The following LRP1B variants were observed in gnomAD, a reference collection of about 807,000 sequenced individuals.
LRP1B encodes the protein low-density lipoprotein receptor-related protein 1B.
Under a neutral mutation model 556.6 loss-of-function variants are expected in LRP1B, and 217 were observed. That is an observed-to-expected ratio of 0.39 (90% confidence interval 0.35 to 0.44). The LOEUF is 0.44. Among genes scored for constraint, LRP1B ranks in the 20% least tolerant of loss-of-function variants. The probability of loss-of-function intolerance (pLI) is 1.00; values close to 1 mark genes in which losing one functional copy is unlikely to be tolerated. For missense variants in LRP1B, 5,053 were observed against 5,620.8 expected, an observed-to-expected ratio of 0.90 and a Z score of 3.23; for synonymous variants, 2,047 against 1,865.8, an observed-to-expected ratio of 1.10 and a Z score of -2.50.
chr2:140,759,814 A>T (rs990758263), intron 35 of LRP1B, among the ~76,000 whole-genome samples: 1 of 152,208 alleles, frequency 6.6e-6, no homozygotes, highest in African/African-American at 2.4e-5. Context: ...ATATACACGA[A>T]GGTGTGTATG....
chr2:141,641,322 C>T (rs1464233021), intron 2 of LRP1B, among the ~76,000 whole-genome samples: 1 of 151,902 alleles, frequency 6.6e-6, no homozygotes, highest in East Asian at 1.9e-4. Flanking sequence ...GGCATTAGAC[C>T]ATATTATATG....
At chr2:141,220,039 A>G (rs1354486964) in intron 6 of LRP1B, among the ~76,000 whole-genome samples, 1 of 152,154 alleles carries the variant, frequency 6.6e-6, no homozygotes, top group Non-Finnish European at 1.5e-5. Flanking sequence ...AATGATCACA[A>G]CACCTCTCCA....
chr2:140,242,043 A>G lies in LRP1B; in HGVS notation c.13325-2511T>C, dbSNP rs552837155. Among the ~76,000 whole-genome samples the G allele has an allele frequency of 6.6e-5, 10 of 151,140 alleles. No homozygotes were observed. The East Asian group carries it at 1.8e-3, about 27-fold the overall frequency. On this transcript the variant is annotated intron_variant, in intron 87 of 90. Transcript: ENST00000389484. ...CATTTTTCCATTAGAAGAAAGAACT[A>G]TAAGTGCTGTGTTGAAGAGCCCCTT...
intron 11 of LRP1B, among the ~76,000 whole-genome samples, chr2:141,042,545 T>A (rs1310635608): frequency 1.3e-5 from 2 of 152,096 alleles, no homozygotes; most frequent in Non-Finnish European, 1.5e-5. Context: ...CATAATAAAA[T>A]CTCAGTGCTT....
chr2:140,530,196 A>C (rs1690627149), intron 47 of LRP1B, among the ~76,000 whole-genome samples: 2 of 152,098 alleles, frequency 1.3e-5, no homozygotes, highest in African/African-American at 4.8e-5. Context: ...ACTGACTTCC[A>C]ATTGTATCAC....
intron 6 of LRP1B, among the ~76,000 whole-genome samples, chr2:141,220,653 ACAG>A (rs1682998712): frequency 2.0e-5 from 3 of 151,440 alleles, no homozygotes; most frequent in Admixed American, 1.3e-4. Context: ...AATGTTAACG[ACAG>A]ACAGAGAGAA....
chr2:141,110,539 G>A (rs6750303), intron 7 of LRP1B, among the ~76,000 whole-genome samples: 45,948 of 151,930 alleles, frequency 0.3, 7,379 homozygotes, highest in East Asian at 0.64. Flanking sequence ...AGGGAAAAGC[G>A]AAGGTGGAGA....
At chr2:140,308,320 AGTTAT>A (rs1172956188) in intron 83 of LRP1B, among the ~76,000 whole-genome samples, 3 of 146,126 alleles carry the variant, frequency 2.1e-5, no homozygotes, top group Admixed American at 1.4e-4. Context: ...AATATTGGAC[AGTTAT>A]GTTATGATTT....
intron 31 of LRP1B, among the ~76,000 whole-genome samples, chr2:140,835,410 A>G (rs781672869): frequency 4.6e-5 from 7 of 152,222 alleles, no homozygotes; most frequent in Non-Finnish European, 8.8e-5. Context: ...ACCTGCATAA[A>G]GACAACCTTC....
intron 1 of LRP1B, among the ~76,000 whole-genome samples, chr2:142,034,104 A>G (rs748184947): frequency 6.6e-5 from 10 of 151,682 alleles, no homozygotes; most frequent in Non-Finnish European, 1.5e-4. Context: ...CATGCAAAAC[A>G]TCACTCAAAT....
In LRP1B at chr2:140,482,399, G is replaced by C. The variant is rs1020603196; in HGVS notation, c.9425+2944C>G. ...ACAAAAAGATAAAATTTGCAGCAGA[G>C]TTTTAACATATTTACATTCTCTATT... On this transcript the variant is annotated intron_variant, in intron 59 of 90. Coordinates refer to ENST00000389484, the MANE Select transcript of LRP1B (RefSeq NM_018557.3). Among the ~76,000 whole-genome samples the C allele has an allele frequency of 3.9e-5, 6 of 152,176 alleles. No homozygotes were observed. The East Asian group carries it at 1.2e-3, about 30-fold the overall frequency.
rs147099934 is a variant in LRP1B at position 140,401,864 on chromosome 2, G to A, written c.10415-15855C>T. Among the ~76,000 whole-genome samples, 160 of 152,328 alleles carry A rather than the reference G, an allele frequency of 1.1e-3. 3 individuals are homozygous for A. The highest frequency in any genetic ancestry group is 3.5e-3 in the African/African-American group (147 of 41,576). ...TGCCTGCAACACCCTGGCTAACCAG[G>A]AGGTCCTGAGTCTGTCCATGTAACA... On this transcript the variant is annotated intron_variant, in intron 66 of 90. Transcript: ENST00000389484.
intron 3 of LRP1B, among the ~76,000 whole-genome samples, chr2:141,319,832 GAGA>G (rs1242522372): frequency 6.6e-6 from 1 of 152,048 alleles, no homozygotes; most frequent in Non-Finnish European, 1.5e-5. Context: ...ACAAGAAAAG[GAGA>G]AGAACTGGAA....
chr2:140,501,829 C>T lies in LRP1B; in HGVS notation c.8708G>A (p.Cys2903Tyr), dbSNP rs746077714. 8.1e-6 allele frequency: 13 copies of T among 1,609,754 alleles called. No homozygotes were observed. The highest frequency in any genetic ancestry group is 1.0e-5 in the Non-Finnish European group (12 of 1,177,650). The change falls in exon 55 of 91, where the codon TGC becomes TAC. Residue 2903 changes from cysteine to tyrosine, a missense_variant. This residue lies in a region of LRP1B where 3,619 missense variants were observed against 3,931.9 expected (regional missense o/e 0.92). Coordinates refer to ENST00000389484, the MANE Select transcript of LRP1B (RefSeq NM_018557.3). ...SSFFMCKNGR[C>Y]IPSGGLCDNK... is the part of the protein sequence containing the mutation. ...GTCGCAAAGACCTCCACTGGGAATGCACCTGCCATTTTTGCACATAAAAAA... is the reference window on the plus strand; with the variant it reads ...GTCGCAAAGACCTCCACTGGGAATGTACCTGCCATTTTTGCACATAAAAAA...
At chr2:141,704,805 A>G (rs1000705372) in intron 2 of LRP1B, among the ~76,000 whole-genome samples, 22 of 151,908 alleles carry the variant, frequency 1.4e-4, no homozygotes, top group African/African-American at 5.3e-4. Flanking sequence ...ATCTGGTATA[A>G]TTGACTATAT....
chr2:141,580,997 C>T (rs1686942127), intron 2 of LRP1B, among the ~76,000 whole-genome samples: 1 of 152,214 alleles, frequency 6.6e-6, no homozygotes, highest in African/African-American at 2.4e-5. Flanking sequence ...TAACACCTCT[C>T]ATCTAAATGT....
At chr2:140,849,910 G>C (rs1692405216) in intron 29 of LRP1B, among the ~76,000 whole-genome samples, 192 bp downstream of exon 29, 1 of 151,914 alleles carries the variant, frequency 6.6e-6, no homozygotes, top group Non-Finnish European at 1.5e-5. Context: ...CTAATTATCA[G>C]TCTGCTCTGT....
chr2:141,406,556 ATCT>A (rs1690644778), intron 3 of LRP1B, among the ~76,000 whole-genome samples: 2 of 96,776 alleles, frequency 2.1e-5, no homozygotes, highest in South Asian at 8.0e-4. Flanking sequence ...TCATCTATCT[ATCT>A]ATCTATCTAT....
intron 54 of LRP1B, 51 bp from the exon 55 acceptor site, chr2:140,501,925 T>TTTTTTTTCCAGA: frequency 7.6e-7 from 1 of 1,315,362 alleles, no homozygotes; most frequent in Non-Finnish European, 1.0e-6. Flanking sequence ...CATTGTTTTA[T>TTTTTTTTCCAGA]ACTACAGTTG....
Sources: gnomAD v4.1 joint callset for allele counts (sites outside exome capture counted in the v4.1 genomes callset) on GRCh38, gnomAD v4.1.1 for gene constraint, gnomAD v4.1.1 regional missense constraint, MANE v1.5 for transcripts, NCBI Gene and HGNC (gene_info 2026-07-23, HGNC 2026-07-21) for gene names.